The following DLGAP4 variants were observed in gnomAD, a reference collection of about 807,000 sequenced individuals.
DLGAP4 encodes the protein disks large-associated protein 4.
A neutral mutation model predicts 86.9 loss-of-function variants in DLGAP4; 18 were observed. The observed-to-expected ratio is 0.21, with a 90% CI of 0.14 to 0.31. The LOEUF (loss-of-function observed/expected upper bound fraction) is 0.31. Ranked by LOEUF, DLGAP4 falls within the 10% of genes least tolerant of loss-of-function variation. DLGAP4 has a pLI of 1.00. For synonymous variants in DLGAP4, 548 were observed against 574.3 expected, an observed-to-expected ratio of 0.95 and a Z score of 0.65; for missense variants, 1,085 against 1,362.6, an observed-to-expected ratio of 0.80 and a Z score of 3.21.
intron 2 of DLGAP4, among the ~76,000 whole-genome samples, chr20:36,377,839 T>C (rs997028322): frequency 1.3e-5 from 2 of 152,204 alleles, no homozygotes; most frequent in African/African-American, 4.8e-5. Flanking sequence ...GGGCTGACAT[T>C]TCCAGACAGA....
At chr20:36,480,122 CTGAA>C (rs1399224474) in intron 7 of DLGAP4, among the ~76,000 whole-genome samples, 1 of 152,150 alleles carries the variant, frequency 6.6e-6, no homozygotes, top group African/African-American at 2.4e-5. Context: ...AAGTCATACA[CTGAA>C]TGAAGGCTGA....
At chr20:36,382,213 A>G (rs1375515974) in intron 2 of DLGAP4, among the ~76,000 whole-genome samples, 1 of 151,994 alleles carries the variant, frequency 6.6e-6, no homozygotes, top group Non-Finnish European at 1.5e-5. Flanking sequence ...GCCCATTGAA[A>G]CCTTGGTTTT....
intron 7 of DLGAP4, among the ~76,000 whole-genome samples, chr20:36,495,556 A>G (rs911335093): frequency 8.5e-5 from 13 of 152,204 alleles, no homozygotes; most frequent in South Asian, 2.1e-4. Context: ...AGCACTTTCT[A>G]TTGCCAACAG....
chr20:36,338,001 G>A (rs1249226317), intron 1 of DLGAP4, among the ~76,000 whole-genome samples: 1 of 152,196 alleles, frequency 6.6e-6, no homozygotes, highest in Non-Finnish European at 1.5e-5. Flanking sequence ...AGTGGGATTG[G>A]GGAGTCTGGA....
At chr20:36,385,675 C>T (rs578163431) in intron 2 of DLGAP4, among the ~76,000 whole-genome samples, 157 of 152,338 alleles carry the variant, frequency 1.0e-3, no homozygotes, top group African/African-American at 3.7e-3. Flanking sequence ...TGTTCCTCCA[C>T]CAGCCTCCCT....
Position 36,432,744 on chromosome 20 carries a change from G to T in DLGAP4, c.999+28G>T, listed in dbSNP as rs928658333. On this transcript the variant is annotated intron_variant, in intron 3 of 12. Transcript: ENST00000339266. This position sits in a 1 kb window ranked among gnomAD's most constrained non-coding sequence, Gnocchi z 6.5. ...GGGTCTCTGGCAGGGTCAGGGGTGG[G>T]ATGAGGGCTCTGGGGACGGCACCAG... The T allele has an allele frequency of 2.5e-6, 4 of 1,609,386 alleles. No individual in the cohort carries two copies. The highest frequency in any genetic ancestry group is 1.7e-5 in the Admixed American group (1 of 59,306).
chr20:36,517,009 G>T (rs1295864643), intron 10 of DLGAP4, among the ~76,000 whole-genome samples: 2 of 151,432 alleles, frequency 1.3e-5, no homozygotes, highest in Non-Finnish European at 3.0e-5. Context: ...CTCGTGATCC[G>T]CCCGCCTCGG....
rs996410397 is a variant in DLGAP4, at chr20:36,475,220, C to CT, written c.1649-21476dup. Reference sequence around the variant, plus strand: ...AGTGAATATGTTTATATGTTTCTTCCTTTTTTTTTGAGATGGAGTCCCGCT... The same window carrying CT: ...AGTGAATATGTTTATATGTTTCTTCCTTTTTTTTTTGAGATGGAGTCCCGCT... On this transcript the variant is annotated intron_variant, in intron 7 of 12. Coordinates refer to ENST00000339266, the MANE Select transcript of DLGAP4 (RefSeq NM_001365621.2). 9.5e-4 allele frequency among the ~76,000 whole-genome samples: 144 copies of CT among 150,842 alleles called. 1 individual carries two copies. The highest frequency in any genetic ancestry group is 3.2e-3 in the African/African-American group (130 of 41,112).
chr20:36,399,269 G>A lies in DLGAP4; in HGVS notation c.-73+31994G>A, dbSNP rs887955671. Among the ~76,000 whole-genome samples, 4 of 152,262 alleles carry A rather than the reference G, an allele frequency of 2.6e-5. No homozygotes were observed. The South Asian group carries it at 6.2e-4, about 24-fold the overall frequency. On this transcript the variant is annotated intron_variant, in intron 2 of 12. Coordinates refer to ENST00000339266, the MANE Select transcript of DLGAP4 (RefSeq NM_001365621.2). ...AAAAGCACAGGCTGGACAAGATGAG[G>A]GCTTTACATTCAAGAGAATTGGGTT...
At chr20:36,342,907 G>A (rs1424765497) in intron 1 of DLGAP4, among the ~76,000 whole-genome samples, 2 of 152,196 alleles carry the variant, frequency 1.3e-5, no homozygotes, top group Non-Finnish European at 2.9e-5. Context: ...CATGCTGGTA[G>A]GAGGTGAGCT....
intron 2 of DLGAP4, among the ~76,000 whole-genome samples, chr20:36,409,160 C>T (rs748504601): frequency 2.6e-5 from 4 of 151,392 alleles, no homozygotes; most frequent in Non-Finnish European, 4.4e-5. Context: ...CTCAGTCTTC[C>T]AAATAGCTGG....
chr20:36,505,010 C>T (rs779884677), intron 10 of DLGAP4, among the ~76,000 whole-genome samples: 1 of 147,630 alleles, frequency 6.8e-6, no homozygotes, highest in Non-Finnish European at 1.5e-5. Flanking sequence ...TTTTTTGAGA[C>T]GGAGTCTCGC....
intron 1 of DLGAP4, among the ~76,000 whole-genome samples, chr20:36,318,084 A>T: frequency 6.7e-6 from 1 of 149,378 alleles, no homozygotes; most frequent in African/African-American, 2.5e-5. Context: ...TAGCAGCTTA[A>T]AGCAGTAATA....
At chr20:36,386,970 A>G (rs547395179) in intron 2 of DLGAP4, among the ~76,000 whole-genome samples, 1 of 152,304 alleles carries the variant, frequency 6.6e-6, no homozygotes, top group Non-Finnish European at 1.5e-5. Context: ...ATAGTATTCC[A>G]TTGTATGCTT....
intron 2 of DLGAP4, among the ~76,000 whole-genome samples, chr20:36,407,746 G>T (rs945254248): frequency 6.6e-6 from 1 of 152,068 alleles, no homozygotes; most frequent in African/African-American, 2.4e-5. Context: ...GGAGGAGAAG[G>T]CCAACCAAGG....
In DLGAP4 at chr20:36,312,081, C is replaced by T. The variant is rs925758920; in HGVS notation, c.-304+5569C>T. 1.1e-4 allele frequency among the ~76,000 whole-genome samples: 17 copies of T among 152,262 alleles called. 1 individual carries two copies. In the South Asian group the frequency reaches 2.3e-3, roughly 20 times the overall value. The stretch of plus-strand genomic sequence containing the variant: ...TCAGTGGCCACACCTCCCCCAGCCC[C>T]GCCAGAGGCCCCATCTGAACTGTGA... On this transcript the variant is annotated intron_variant, in intron 1 of 12. Transcript: ENST00000339266.
chr20:36,318,803 C>G (rs1321776281), intron 1 of DLGAP4, among the ~76,000 whole-genome samples: 1 of 152,154 alleles, frequency 6.6e-6, no homozygotes, highest in Non-Finnish European at 1.5e-5. Context: ...TTGTTGATGA[C>G]TAGCTGTTCT....
chr20:36,523,367 G>A (rs192330977), intron 10 of DLGAP4, among the ~76,000 whole-genome samples: 25 of 152,250 alleles, frequency 1.6e-4, no homozygotes, highest in African/African-American at 5.8e-4. Flanking sequence ...GAGACTTCTC[G>A]ATTAGGATAT....
At chr20:36,416,732 G>A (rs1329211296) in intron 2 of DLGAP4, among the ~76,000 whole-genome samples, 1 of 152,154 alleles carries the variant, frequency 6.6e-6, no homozygotes, top group African/African-American at 2.4e-5. Flanking sequence ...GGAAAGGCTT[G>A]GCTAAGGATA....
Sources: allele counts gnomAD v4.1 joint callset (sites outside exome capture counted in the v4.1 genomes callset), GRCh38; gene constraint gnomAD v4.1.1; non-coding constraint Gnocchi (gnomAD v3.1); transcripts MANE v1.5; gene names NCBI Gene and HGNC (gene_info 2026-07-23, HGNC 2026-07-21).